The following BTN2A1 variants were observed in gnomAD, a reference collection of about 807,000 sequenced individuals.
BTN2A1 encodes the protein butyrophilin subfamily 2 member A1, also known as butyrophilin, subfamily 2, member A1.
Under a neutral mutation model 34.5 loss-of-function variants are expected in BTN2A1, and 41 were observed. That is an observed-to-expected ratio of 1.19 (90% CI 0.93 to 1.54). The LOEUF (loss-of-function observed/expected upper bound fraction) is 1.54, where lower values mean the gene tolerates loss of function less well. BTN2A1 is among the 40% of genes most tolerant of loss of function. BTN2A1 has a pLI of 0.00. For missense variants in BTN2A1, 642 were observed against 662.0 expected (o/e 0.97, Z 0.33); for synonymous variants, 267 against 258.6 (o/e 1.03, Z -0.31).
Position 26,465,227 on chromosome 6 carries a change from C to A in BTN2A1, c.755C>A (p.Pro252His), listed in dbSNP as rs576476638. Residue 252 changes from proline to histidine, a missense_variant, in exon 5 of 8, where the codon CCT becomes CAT. By Grantham distance (77) the Pro-to-His change is moderately conservative. Coordinates refer to ENST00000312541, the MANE Select transcript of BTN2A1 (RefSeq NM_007049.5). Reference sequence around the variant, plus strand: ...GTGTCTCCCTGTGCAGTGGCCCTGCCTATCATTGTGGTTATTCTGATGATA... The same window carrying A: ...GTGTCTCCCTGTGCAGTGGCCCTGCATATCATTGTGGTTATTCTGATGATA... The part of the protein sequence containing the change: ...PSVSPCAVAL[P>H]IIVVILMIPI... The A allele has an allele frequency of 1.1e-5, 18 of 1,614,082 alleles. No individual in the cohort carries two copies. The highest frequency in any genetic ancestry group is 1.5e-5 in the Non-Finnish European group (18 of 1,179,984).
rs1327156218 is a variant in BTN2A1, at chr6:26,465,282, C to T, written c.810C>T (p.Asn270=). The T allele has an allele frequency of 6.2e-7, 1 of 1,613,916 alleles. No homozygotes were observed. Among genetic ancestry groups the T allele is most frequent in the African/African-American group, 1.3e-5 (1 of 74,864 alleles). Residue 270 remains asparagine, a synonymous_variant, in exon 5 of 8, where the codon AAC becomes AAT. Coordinates refer to ENST00000312541, the MANE Select transcript of BTN2A1 (RefSeq NM_007049.5). ...TTGCCGTATGCATCTATTGGATCAA[C>T]AAACTCCAAAAGGAAAAAAAGATTC... The part of the protein sequence containing the change: ...IPIAVCIYWI[N]KLQKEKKILS...
intron 3 of BTN2A1, 119 bp downstream of exon 3, chr6:26,459,947 C>CCACAGGGAGAGTG: frequency 5.6e-5 from 5 of 89,646 alleles, no homozygotes; most frequent in Non-Finnish European, 1.0e-4. Flanking sequence ...CTTTTCCACT[C>CCACAGGGAGAGTG]TCCCTGTGGA....
downstream of BTN2A1, among the ~76,000 whole-genome samples, chr6:26,472,678 C>T (rs921779511): frequency 4.6e-5 from 7 of 152,184 alleles, no homozygotes; most frequent in Admixed American, 2.6e-4. Flanking sequence ...CATGCCCCAG[C>T]TCACCTGTGT....
intron 3 of BTN2A1, among the ~76,000 whole-genome samples, chr6:26,461,444 C>T (rs535644041): frequency 2.0e-5 from 3 of 152,326 alleles, no homozygotes; most frequent in South Asian, 4.1e-4. Context: ...TCTTATTCCA[C>T]TGAGCCTTTA....
rs986058712 is a variant in BTN2A1, at chr6:26,469,343, A to G, written c.*794A>G. 3.1e-5 allele frequency: 31 copies of G among 986,020 alleles called. No individual in the cohort carries two copies. Among genetic ancestry groups the G allele is most frequent in the Non-Finnish European group, 3.4e-5 (28 of 830,504 alleles). 61.1% of individuals were successfully genotyped at this position (986,020 alleles called of 1,614,324 possible). On this transcript the variant is annotated 3_prime_UTR_variant, in exon 8 of 8. Transcript: ENST00000312541. ...TTCAGTGGGGACACCAGTGGCTTCA[A>G]ACTTCCTGGTTTCATGATATCTTGA...
chr6:26,464,928 C>T (rs1443387132), intron 4 of BTN2A1, among the ~76,000 whole-genome samples: 2 of 152,138 alleles, frequency 1.3e-5, no homozygotes, highest in Non-Finnish European at 2.9e-5. Context: ...GTGGCTGTGC[C>T]GACTCAGCAT....
rs1409234658 is a variant in BTN2A1, at chr6:26,459,821, A to G, written c.423A>G (p.Val141=). Residue 141 remains valine, a synonymous_variant, in exon 3 of 8, where the codon GTA becomes GTG. Transcript: ENST00000312541. ...ACGATGAGGCCATCCTGCACCTCGTAGTGGCAGGTGCGTCGCTTCATTTTG... is the reference window on the plus strand; with the variant it reads ...ACGATGAGGCCATCCTGCACCTCGTGGTGGCAGGTGCGTCGCTTCATTTTG... ...RSYDEAILHL[V]VAGLGSKPLI... is the part of the protein sequence containing the mutation. The G allele has an allele frequency of 3.1e-6, 5 of 1,612,128 alleles. No individual in the cohort carries two copies. In the South Asian group the frequency reaches 3.3e-5, roughly 11 times the overall value.
At position 26,465,409 on chromosome 6, in the gene BTN2A1, A is replaced by G. The variant is rs1432573490; in HGVS notation, c.934+3A>G. 1 of 1,613,452 alleles carries G rather than the reference A, an allele frequency of 6.2e-7. No homozygotes were observed. Among genetic ancestry groups the G allele is most frequent in the Non-Finnish European group, 8.5e-7 (1 of 1,179,732 alleles). On this transcript the variant is annotated splice_donor_region_variant and intron_variant, in intron 5 of 7. Transcript: ENST00000312541. ...AGAGGAAGAACTTCAAGTAAAAGGT[A>G]AAAGAGGCTGAGTATGGTGGCTCAT...
chr6:26,465,301 A>T lies in BTN2A1; in HGVS notation c.829A>T (p.Lys277Ter). 1 of 1,614,214 alleles carries T rather than the reference A, an allele frequency of 6.2e-7. No individual in the cohort carries two copies. The highest frequency in any genetic ancestry group is 8.5e-7 in the Non-Finnish European group (1 of 1,180,040). ...GATCAACAAACTCCAAAAGGAAAAA[A>T]AGATTCTGTCAGGGGAAAAGGAGTT... The part of the protein sequence containing the change: ...YWINKLQKEK[K>*]ILSGEKEFER... The change falls in exon 5 of 8, where the codon AAG becomes TAG. Residue 277 changes from lysine (K) to a stop codon, truncating the protein, a stop_gained. Coordinates refer to ENST00000312541, the MANE Select transcript of BTN2A1 (RefSeq NM_007049.5). LOFTEE classifies it high-confidence loss of function.
chr6:26,469,959 A>G (rs926296321), downstream of BTN2A1, among the ~76,000 whole-genome samples: 11 of 151,808 alleles, frequency 7.2e-5, no homozygotes, highest in South Asian at 2.1e-4. Flanking sequence ...ACTAACTCCA[A>G]CTCCTTGCTT....
downstream of BTN2A1, among the ~76,000 whole-genome samples, chr6:26,472,286 C>T (rs1763465677): frequency 6.6e-6 from 1 of 152,150 alleles, no homozygotes. Context: ...AACTTCCACC[C>T]TCAAGCAATT....
At chr6:26,474,724 G>C (rs1012715711) in intron 7 of BTN2A1, among the ~76,000 whole-genome samples, 1 of 151,102 alleles carries the variant, frequency 6.6e-6, no homozygotes, top group African/African-American at 2.4e-5. Flanking sequence ...ATGTTCTTAG[G>C]AACTAATTAC....
intron 4 of BTN2A1, among the ~76,000 whole-genome samples, chr6:26,463,879 G>A (rs1457233797): frequency 2.0e-5 from 3 of 151,946 alleles, no homozygotes; most frequent in Non-Finnish European, 4.4e-5. Flanking sequence ...TTGGCTCACT[G>A]CAACCTCCTC....
chr6:26,459,977 ATCCT>A (rs1763120014), intron 3 of BTN2A1, 149 bp downstream of exon 3: 1 of 315,124 alleles, frequency 3.2e-6, no homozygotes, highest in Non-Finnish European at 5.4e-6. Context: ...CCAGGGAAAA[ATCCT>A]TCCTCCTGCA....
rs1446378829 is a variant in BTN2A1, at chr6:26,463,371, G to A, written c.558G>A (p.Ala186=). 1.4e-5 allele frequency: 23 copies of A among 1,613,898 alleles called. No homozygotes were observed. Among genetic ancestry groups the A allele is most frequent in the East Asian group, 4.5e-5 (2 of 44,874 alleles). The stretch of plus-strand genomic sequence containing the variant: ...GGAGGGACCCCTACGGTGGGGTTGC[G>A]CCTGCCCTGAAAGAGGTCTCCATGC... ...TVWRDPYGGV[A]PALKEVSMPD... Residue 186 remains alanine (A), a synonymous_variant, in exon 4 of 8, where the codon GCG becomes GCA. Coordinates refer to ENST00000312541, the MANE Select transcript of BTN2A1 (RefSeq NM_007049.5).
chr6:26,470,117 G>A (rs1763422774), downstream of BTN2A1, among the ~76,000 whole-genome samples: 1 of 152,216 alleles, frequency 6.6e-6, no homozygotes, highest in African/African-American at 2.4e-5. Flanking sequence ...GGAAGCCGAG[G>A]TGGGTGGATC....
chr6:26,459,428 T>G, intron 2 of BTN2A1, 53 bp from the exon 3 acceptor site: 1 of 1,573,526 alleles, frequency 6.4e-7, no homozygotes, highest in South Asian at 1.1e-5. Flanking sequence ...CTTTCTTGCC[T>G]TAGAGATGTG....
chr6:26,468,378 C>T lies in BTN2A1; in HGVS notation c.1413C>T (p.His471=), dbSNP rs1299622511. 1.1e-5 allele frequency: 17 copies of T among 1,613,250 alleles called. No individual in the cohort carries two copies. Among genetic ancestry groups the T allele is most frequent in the Non-Finnish European group, 1.4e-5 (16 of 1,179,828 alleles). Reference sequence around the variant, plus strand: ...TCTACAACATGAGGGACAGATCGCACATCTACACATGTCCCCGTTCAGCCT... The same window carrying T: ...TCTACAACATGAGGGACAGATCGCATATCTACACATGTCCCCGTTCAGCCT... The part of the protein sequence containing the change: ...VSFYNMRDRS[H]IYTCPRSAFS... The change falls in exon 8 of 8, where the codon CAC becomes CAT. Residue 471 remains histidine, a synonymous_variant. Coordinates refer to ENST00000312541, the MANE Select transcript of BTN2A1 (RefSeq NM_007049.5).
In BTN2A1 at chr6:26,463,397, C is replaced by T; in HGVS notation, c.584C>T (p.Pro195Leu). 1 of 1,614,150 alleles carries T rather than the reference C, an allele frequency of 6.2e-7. No homozygotes were observed. The highest frequency in any genetic ancestry group is 8.5e-7 in the Non-Finnish European group (1 of 1,180,038). Residue 195 changes from proline (P) to leucine (L), a missense_variant, in exon 4 of 8, where the codon CCT (proline) becomes CTT (leucine). By Grantham distance (98) the Pro-to-Leu change is moderately conservative. Transcript: ENST00000312541. ...CCTGCCCTGAAAGAGGTCTCCATGC[C>T]TGATGCAGACGGCCTCTTCATGGTC... ...VAPALKEVSM[P>L]DADGLFMVTT...
Sources: gnomAD v4.1 joint callset for allele counts (sites outside exome capture counted in the v4.1 genomes callset) on GRCh38, gnomAD v4.1.1 for gene constraint, MANE v1.5 for transcripts, NCBI Gene and HGNC (gene_info 2026-07-23, HGNC 2026-07-21) for gene names.